Variants in XPR1 observed in about 807,000 individuals in gnomAD.
XPR1 encodes xenotropic and polytropic retrovirus receptor 1.
In XPR1, 28 loss-of-function variants were observed where a neutral mutation model predicts 87.5. The ratio of observed to expected loss-of-function variants is 0.32; its 90% CI spans 0.24 to 0.44. The LOEUF (loss-of-function observed/expected upper bound fraction) is 0.44, where lower values mean the gene tolerates loss of function less well. Among genes scored for constraint, XPR1 ranks in the 20% least tolerant of loss-of-function variants. The pLI is 1.00. For missense variants in XPR1, 559 were observed against 862.3 expected, an observed-to-expected ratio of 0.65 and a Z score of 4.41; for synonymous variants, 300 against 306.1, an observed-to-expected ratio of 0.98 and a Z score of 0.21.
intron 6 of XPR1, among the ~76,000 whole-genome samples, chr1:180,808,599 A>G (rs969131421): frequency 6.6e-6 from 1 of 152,216 alleles, no homozygotes; most frequent in Non-Finnish European, 1.5e-5. Flanking sequence ...CCAATACTCA[A>G]TAGAAGGAAA....
At chr1:180,672,266 T>G (rs1362713904) in intron 1 of XPR1, among the ~76,000 whole-genome samples, 1 of 152,196 alleles carries the variant, frequency 6.6e-6, no homozygotes, top group Non-Finnish European at 1.5e-5. Flanking sequence ...CCATATTGAA[T>G]TGCCATTTAC....
At chr1:180,787,961 T>G in intron 3 of XPR1, 107 bp downstream of exon 3, 1 of 788,892 alleles carries the variant, frequency 1.3e-6, no homozygotes, top group Admixed American at 2.6e-5. Context: ...TTGTTTTCCT[T>G]ACTATACTGC....
chr1:180,771,741 T>G (rs1252026971), intron 2 of XPR1, among the ~76,000 whole-genome samples: 2 of 152,232 alleles, frequency 1.3e-5, no homozygotes, highest in East Asian at 3.8e-4. Context: ...TGTGCCTTTT[T>G]GTCAAGAATA....
At chr1:180,846,873 G>T (rs901273562) in intron 11 of XPR1, among the ~76,000 whole-genome samples, 1 of 149,990 alleles carries the variant, frequency 6.7e-6, no homozygotes, top group Non-Finnish European at 1.5e-5. Context: ...AAAAAAAAAT[G>T]ATGCCACTTA....
intron 12 of XPR1, among the ~76,000 whole-genome samples, chr1:180,864,703 G>A (rs915052057): frequency 2.0e-5 from 3 of 151,908 alleles, no homozygotes. Flanking sequence ...AGACAAGAGG[G>A]GCTGAATTAA....
At chr1:180,790,384 T>C (rs1649326167) in intron 3 of XPR1, among the ~76,000 whole-genome samples, 1 of 152,138 alleles carries the variant, frequency 6.6e-6, no homozygotes, top group Non-Finnish European at 1.5e-5. Flanking sequence ...GCAAATTTCT[T>C]AACTTTATAT....
At chr1:180,777,448 G>A (rs1648767236) in intron 2 of XPR1, among the ~76,000 whole-genome samples, 1 of 152,160 alleles carries the variant, frequency 6.6e-6, no homozygotes, top group South Asian at 2.1e-4. Context: ...CAGATAGACT[G>A]TAGACTGTAA....
chr1:180,749,280 G>A (rs1647420560), intron 2 of XPR1, among the ~76,000 whole-genome samples: 1 of 152,180 alleles, frequency 6.6e-6, no homozygotes, highest in African/African-American at 2.4e-5. Context: ...TATGTCTGTT[G>A]CTTATTATTG....
chr1:180,737,966 G>C (rs940879777), intron 2 of XPR1, among the ~76,000 whole-genome samples: 1 of 152,058 alleles, frequency 6.6e-6, no homozygotes, highest in African/African-American at 2.4e-5. Context: ...ATACTAAGGA[G>C]TGGGATTGCT....
intron 1 of XPR1, among the ~76,000 whole-genome samples, chr1:180,672,789 A>G (rs1656227792): frequency 6.6e-6 from 1 of 151,894 alleles, no homozygotes; most frequent in African/African-American, 2.4e-5. Context: ...ATTTAAAATA[A>G]TATATTCAAA....
intron 3 of XPR1, among the ~76,000 whole-genome samples, chr1:180,794,964 CAGATAAA>C (rs1428297764): frequency 2.0e-5 from 3 of 152,004 alleles, no homozygotes; most frequent in African/African-American, 2.4e-5. Flanking sequence ...GTAAGAATTC[CAGATAAA>C]AGATAAAAGC....
chr1:180,684,755 G>A (rs1656706679), intron 2 of XPR1, among the ~76,000 whole-genome samples: 1 of 152,158 alleles, frequency 6.6e-6, no homozygotes, highest in African/African-American at 2.4e-5. Context: ...AAGCAATGGT[G>A]AATGGGAGTT....
At chr1:180,708,897 T>G (rs1000824785) in intron 2 of XPR1, among the ~76,000 whole-genome samples, 89 of 51,354 alleles carry the variant, frequency 1.7e-3, no homozygotes, top group African/African-American at 5.8e-3. Context: ...ATGTAAAGTT[T>G]TTTTTTTTTT....
intron 11 of XPR1, among the ~76,000 whole-genome samples, chr1:180,850,511 G>T (rs1651831112): frequency 6.6e-6 from 1 of 152,046 alleles, no homozygotes; most frequent in Admixed American, 6.6e-5. Context: ...GCTGCTTAAA[G>T]ATGTACTCCA....
chr1:180,768,300 T>A (rs1319009107), intron 2 of XPR1, among the ~76,000 whole-genome samples: 2 of 152,284 alleles, frequency 1.3e-5, no homozygotes, highest in East Asian at 1.9e-4. Flanking sequence ...TCTAGGAGGA[T>A]TTGCTTCATT....
intron 9 of XPR1, among the ~76,000 whole-genome samples, chr1:180,826,791 T>C (rs1650858897): frequency 6.6e-6 from 1 of 152,100 alleles, no homozygotes; most frequent in Non-Finnish European, 1.5e-5. Flanking sequence ...TAGCAAAGGT[T>C]TTTTTGTTCT....
intron 2 of XPR1, among the ~76,000 whole-genome samples, chr1:180,702,930 C>G (rs901107755): frequency 1.3e-5 from 2 of 152,082 alleles, no homozygotes; most frequent in African/African-American, 4.8e-5. Flanking sequence ...TATGGATTGA[C>G]TTTCTTAGAG....
At chr1:180,721,265 C>T (rs1257998822) in intron 2 of XPR1, among the ~76,000 whole-genome samples, 1 of 151,526 alleles carries the variant, frequency 6.6e-6, no homozygotes, top group African/African-American at 2.4e-5. Context: ...CCATTTTACA[C>T]TGACATTGGT....
At chr1:180,718,921 C>T (rs910407349) in intron 2 of XPR1, among the ~76,000 whole-genome samples, 1 of 152,164 alleles carries the variant, frequency 6.6e-6, no homozygotes, top group African/African-American at 2.4e-5. Context: ...CCCACCTTGG[C>T]CTCCCAAAGT....
Sources: allele counts gnomAD v4.1 joint callset (sites outside exome capture counted in the v4.1 genomes callset), GRCh38; gene constraint gnomAD v4.1.1; transcripts MANE v1.5; gene names NCBI Gene and HGNC (gene_info 2026-07-23, HGNC 2026-07-21).